Variants in LRRC4C observed in about 807,000 individuals in gnomAD.
LRRC4C encodes the protein leucine rich repeat containing 4C, also known as leucine-rich repeat-containing protein 4C.
LRRC4C carries 5 observed loss-of-function variants against 33.6 expected under a neutral mutation model. The observed-to-expected ratio is 0.15, with a 90% CI of 0.08 to 0.31. The LOEUF (loss-of-function observed/expected upper bound fraction) is 0.31, where lower values mean the gene tolerates loss of function less well. Ranked by LOEUF, LRRC4C falls within the 10% of genes least tolerant of loss-of-function variation. The probability of loss-of-function intolerance (pLI) is 1.00; values close to 1 mark genes in which losing one functional copy is unlikely to be tolerated. For missense variants in LRRC4C, 560 were observed against 796.7 expected (o/e 0.70, Z 3.58); for synonymous variants, 329 against 302.0 (o/e 1.09, Z -0.93).
chr11:41,208,834 C>T (rs75443388), intron 1 of LRRC4C, among the ~76,000 whole-genome samples: 2,417 of 152,234 alleles, frequency 0.016, 51 homozygotes, highest in African/African-American at 0.055. Flanking sequence ...GCCAGGATGA[C>T]GCACTGGCCA....
intron 1 of LRRC4C, among the ~76,000 whole-genome samples, chr11:41,290,245 G>T (rs1198783811): frequency 6.6e-6 from 1 of 152,138 alleles, no homozygotes. Flanking sequence ...CTTTTTTAAT[G>T]CAATGACAGG....
At chr11:40,874,417 G>A (rs1954788521) in intron 2 of LRRC4C, among the ~76,000 whole-genome samples, 1 of 151,990 alleles carries the variant, frequency 6.6e-6, no homozygotes, top group African/African-American at 2.4e-5. Context: ...CAGCCCTCTT[G>A]AGCTGCCCTA....
rs778907249 is a variant in LRRC4C, at chr11:41,136,976, G to A, written c.-495-203253C>T. Among the ~76,000 whole-genome samples, 64 of 152,096 alleles carry A rather than the reference G, an allele frequency of 4.2e-4. 1 individual carries two copies. Among genetic ancestry groups the A allele is most frequent in the Admixed American group, 9.8e-4 (15 of 15,266 alleles). On this transcript the variant is annotated intron_variant, in intron 1 of 6. Transcript: ENST00000528697. The stretch of plus-strand genomic sequence containing the variant: ...TAAAAGTGCCCTTTAGGCTGGGTGC[G>A]GCAACTCACCCTTCTAATCCCAGCA...
At chr11:41,250,479 T>C (rs1948603894) in intron 1 of LRRC4C, among the ~76,000 whole-genome samples, 1 of 152,214 alleles carries the variant, frequency 6.6e-6, no homozygotes, top group Non-Finnish European at 1.5e-5. Flanking sequence ...AATAAAATTT[T>C]CCTTGACATA....
At chr11:40,556,282 A>G (rs1383309466) in intron 3 of LRRC4C, among the ~76,000 whole-genome samples, 1 of 152,244 alleles carries the variant, frequency 6.6e-6, no homozygotes, top group Non-Finnish European at 1.5e-5. Flanking sequence ...CATTTAATTT[A>G]TAGAAAACAG....
chr11:40,794,137 G>T (rs1457186218), intron 2 of LRRC4C, among the ~76,000 whole-genome samples: 1 of 151,974 alleles, frequency 6.6e-6, no homozygotes, highest in Non-Finnish European at 1.5e-5. Context: ...CAGAATCTTG[G>T]AATATCCTTT....
intron 1 of LRRC4C, among the ~76,000 whole-genome samples, chr11:41,416,905 G>A (rs1317723314): frequency 6.6e-6 from 1 of 151,892 alleles, no homozygotes; most frequent in African/African-American, 2.4e-5. Context: ...CTCTTGTGGC[G>A]TGGCAACTGA....
intron 3 of LRRC4C, among the ~76,000 whole-genome samples, chr11:40,558,048 T>G (rs1363384013): frequency 6.6e-6 from 1 of 152,180 alleles, no homozygotes; most frequent in Non-Finnish European, 1.5e-5. Context: ...ATTCACTTTG[T>G]GTGCTTGAAT....
intron 5 of LRRC4C, among the ~76,000 whole-genome samples, chr11:40,236,643 C>T (rs903265970): frequency 3.3e-5 from 5 of 152,080 alleles, no homozygotes; most frequent in African/African-American, 1.2e-4. Flanking sequence ...ACCCCCCTCC[C>T]CCAGCTCTCT....
intron 2 of LRRC4C, among the ~76,000 whole-genome samples, chr11:40,914,936 C>T (rs1956878536): frequency 6.6e-6 from 1 of 152,110 alleles, no homozygotes; most frequent in Admixed American, 6.5e-5. Context: ...GAGTGAACTC[C>T]CATTCACAAT....
intron 2 of LRRC4C, among the ~76,000 whole-genome samples, chr11:40,814,705 C>CAGAT (rs1565093678): frequency 6.6e-6 from 1 of 151,586 alleles, no homozygotes; most frequent in Non-Finnish European, 1.5e-5. Context: ...TTTCTTCTGC[C>CAGAT]AGATACCCTA....
intron 3 of LRRC4C, among the ~76,000 whole-genome samples, chr11:40,326,595 T>C (rs1946117270): frequency 6.6e-6 from 1 of 151,212 alleles, no homozygotes; most frequent in Non-Finnish European, 1.5e-5. Flanking sequence ...CTGTGTGTTG[T>C]GCAGGGCCAA....
At chr11:40,965,278 A>G (rs1851268386) in intron 1 of LRRC4C, among the ~76,000 whole-genome samples, 1 of 152,026 alleles carries the variant, frequency 6.6e-6, no homozygotes, top group Non-Finnish European at 1.5e-5. Context: ...GCCCTTTGTC[A>G]GATTAGTAGG....
intron 1 of LRRC4C, among the ~76,000 whole-genome samples, chr11:41,345,749 G>A (rs1277175883): frequency 2.6e-5 from 4 of 152,052 alleles, no homozygotes; most frequent in African/African-American, 9.7e-5. Context: ...CTCCTTCAGA[G>A]TCTCCGCACT....
chr11:40,426,172 C>T (rs775251664), intron 3 of LRRC4C, among the ~76,000 whole-genome samples: 2 of 151,920 alleles, frequency 1.3e-5, no homozygotes, highest in Non-Finnish European at 2.9e-5. Context: ...TGCCACTATG[C>T]CCGGCTAATT....
At chr11:41,440,114 T>C (rs1338085647) in intron 1 of LRRC4C, among the ~76,000 whole-genome samples, 1 of 152,148 alleles carries the variant, frequency 6.6e-6, no homozygotes, top group Non-Finnish European at 1.5e-5. Flanking sequence ...TTTCAGTTTT[T>C]TTTAGGTTTT....
chr11:40,514,126 TTACAG>T (rs1482436878), intron 3 of LRRC4C, among the ~76,000 whole-genome samples: 24 of 152,316 alleles, frequency 1.6e-4, no homozygotes, highest in African/African-American at 5.8e-4. Context: ...TATGTGATCC[TTACAG>T]TAGAGTGACA....
intron 2 of LRRC4C, among the ~76,000 whole-genome samples, chr11:40,892,820 T>G (rs927598674): frequency 1.3e-5 from 2 of 152,198 alleles, no homozygotes; most frequent in African/African-American, 4.8e-5. Context: ...GTACAGAGTT[T>G]TTGTTGGGGA....
chr11:41,003,965 G>T (rs975777388), intron 1 of LRRC4C, among the ~76,000 whole-genome samples: 2 of 152,074 alleles, frequency 1.3e-5, no homozygotes, highest in Admixed American at 1.3e-4. Flanking sequence ...TAAAGAAAGA[G>T]TGTGCTTATG....
Sources: allele counts gnomAD v4.1 joint callset (sites outside exome capture counted in the v4.1 genomes callset), GRCh38; gene constraint gnomAD v4.1.1; transcripts MANE v1.5; gene names NCBI Gene and HGNC (gene_info 2026-07-23, HGNC 2026-07-21).